Variants in SAMD12 observed in about 807,000 individuals in gnomAD.
The protein encoded by SAMD12 is sterile alpha motif domain-containing protein 12.
Under a neutral mutation model 15.0 loss-of-function variants are expected in SAMD12, and 9 were observed. The observed-to-expected ratio is 0.60, with a 90% CI of 0.36 to 1.05. The LOEUF (loss-of-function observed/expected upper bound fraction) is 1.05. SAMD12 is among the 50% of genes least tolerant of loss of function. SAMD12 has a pLI of 0.01. For missense variants in SAMD12, 230 were observed against 234.2 expected (o/e 0.98, Z 0.12); for synonymous variants, 86 against 90.1 (o/e 0.96, Z 0.25).
intron 4 of SAMD12, among the ~76,000 whole-genome samples, chr8:118,352,153 A>G (rs941274365): frequency 1.3e-5 from 2 of 152,252 alleles, no homozygotes; most frequent in African/African-American, 4.8e-5. Flanking sequence ...GCTACAAGCA[A>G]GCACTACAGT....
chr8:118,162,218 G>A, the SAMD12 span, among the ~76,000 whole-genome samples: 13 of 147,538 alleles, frequency 8.8e-5, no homozygotes, highest in African/African-American at 3.0e-4. Flanking sequence ...GAGGACAAGG[G>A]TACATCCTGA....
intron 2 of SAMD12, among the ~76,000 whole-genome samples, chr8:118,560,534 G>C (rs73711030): frequency 0.018 from 2,675 of 152,316 alleles, 89 homozygotes; most frequent in African/African-American, 0.06. Context: ...GCTAGGCTTT[G>C]AGAGATCCTT....
intron 4 of SAMD12, among the ~76,000 whole-genome samples, chr8:118,317,426 C>G (rs1349443950): frequency 6.6e-6 from 1 of 152,130 alleles, no homozygotes; most frequent in Non-Finnish European, 1.5e-5. Context: ...CTGTGGGATG[C>G]TCACATGTTG....
the SAMD12 span, among the ~76,000 whole-genome samples, chr8:118,137,636 G>A: frequency 6.6e-6 from 1 of 152,140 alleles, no homozygotes; most frequent in Non-Finnish European, 1.5e-5. Flanking sequence ...TTAAATTAAA[G>A]AGCAGAGGTT....
chr8:118,398,248 T>C (rs1168794553), intron 3 of SAMD12, among the ~76,000 whole-genome samples: 1 of 151,932 alleles, frequency 6.6e-6, no homozygotes, highest in Non-Finnish European at 1.5e-5. Context: ...AATACAAAAA[T>C]ATTAGCTGGG....
chr8:118,298,946 G>A (rs1173446881), intron 4 of SAMD12, among the ~76,000 whole-genome samples: 2 of 152,122 alleles, frequency 1.3e-5, no homozygotes, highest in Non-Finnish European at 2.9e-5. Context: ...CTTATAAACA[G>A]AATAATAAGC....
intron 1 of SAMD12, among the ~76,000 whole-genome samples, chr8:118,619,478 CAAA>C (rs33947611): frequency 1.8e-5 from 2 of 112,210 alleles, no homozygotes. Context: ...GACTCTGTCT[CAAA>C]AAAAAAAAAA....
At position 118,190,186 on chromosome 8, in the gene SAMD12, G is replaced by A. The variant is rs560944257; in HGVS notation, c.*7524C>T. ...AAGGAATGAATCATTTTTTTAATCA[G>A]ATTCTCCCCCATCCTCCCTTCTCAT... On this transcript the variant is annotated 3_prime_UTR_variant, in exon 5 of 5. Transcript: ENST00000409003. The A allele has an allele frequency of 2.6e-5, 4 of 152,152 alleles. No individual in the cohort carries two copies. The South Asian group carries it at 8.3e-4, about 32-fold the overall frequency. The allele number at this position is 152,152 out of a possible 1,614,324, so 9.4% of individuals were successfully genotyped here.
At chr8:118,383,136 GTTGT>G (rs1283635186) in intron 3 of SAMD12, among the ~76,000 whole-genome samples, 22 of 152,176 alleles carry the variant, frequency 1.4e-4, no homozygotes, top group Middle Eastern at 3.4e-3. Context: ...GTTAATTTTT[GTTGT>G]TTATCATAAA....
chr8:118,608,768 T>C (rs780115711), intron 1 of SAMD12, among the ~76,000 whole-genome samples: 6 of 152,060 alleles, frequency 3.9e-5, no homozygotes, highest in Admixed American at 6.5e-5. Context: ...CTTCCCAAAG[T>C]GCTGAAAGGA....
chr8:118,429,536 T>G (rs1047561190), intron 3 of SAMD12, among the ~76,000 whole-genome samples: 3 of 152,194 alleles, frequency 2.0e-5, no homozygotes, highest in Admixed American at 6.5e-5. Flanking sequence ...CTTTCTAATC[T>G]TTTTGTCTTT....
chr8:118,601,846 C>A (rs550505971), intron 1 of SAMD12, among the ~76,000 whole-genome samples: 14 of 152,232 alleles, frequency 9.2e-5, no homozygotes, highest in African/African-American at 3.1e-4. Context: ...GGAAAGAAAG[C>A]TAATAGGGAA....
chr8:118,427,460 T>G (rs1822266650), intron 3 of SAMD12, among the ~76,000 whole-genome samples: 1 of 152,216 alleles, frequency 6.6e-6, no homozygotes, highest in African/African-American at 2.4e-5. Context: ...CAATTCCCTT[T>G]TACCCCCTAC....
chr8:118,189,983 A>C (rs1314840869), exon 5 of SAMD12: 1 of 151,082 alleles, frequency 6.6e-6, no homozygotes, highest in Admixed American at 6.6e-5. Context: ...AGAAAAACCC[A>C]ACAGTTGTGG....
At chr8:118,621,494 A>C in intron 1 of SAMD12, 1 of 442,858 alleles carries the variant, frequency 2.3e-6, no homozygotes, top group South Asian at 3.9e-5. Flanking sequence ...CTCGGGGCCA[A>C]AACCTCATGC....
chr8:118,430,651 C>T (rs989934243), intron 3 of SAMD12, among the ~76,000 whole-genome samples: 9 of 152,274 alleles, frequency 5.9e-5, no homozygotes, highest in Non-Finnish European at 7.4e-5. Context: ...TGAGCCACCA[C>T]GCTCAGACTA....
chr8:118,185,221 T>C (rs17484576), downstream of SAMD12, among the ~76,000 whole-genome samples: 7,083 of 152,216 alleles, frequency 0.047, 287 homozygotes, highest in African/African-American at 0.11. Context: ...TATGCACTTA[T>C]TTTATTTTAA....
At chr8:118,507,825 A>T (rs1333902180) in intron 2 of SAMD12, among the ~76,000 whole-genome samples, 1 of 152,038 alleles carries the variant, frequency 6.6e-6, no homozygotes, top group African/African-American at 2.4e-5. Context: ...TTCTGCACAG[A>T]TGACTGCAAG....
chr8:118,602,821 T>C (rs1438467923), intron 1 of SAMD12, among the ~76,000 whole-genome samples: 1 of 152,168 alleles, frequency 6.6e-6, no homozygotes, highest in Non-Finnish European at 1.5e-5. Context: ...AAGTCTCTAA[T>C]ATTGGCAAAT....
Sources: gnomAD v4.1 joint callset for allele counts (sites outside exome capture counted in the v4.1 genomes callset) on GRCh38, gnomAD v4.1.1 for gene constraint, MANE v1.5 for transcripts, NCBI Gene and HGNC (gene_info 2026-07-23, HGNC 2026-07-21) for gene names.